The following RASEF variants were observed in gnomAD, a reference collection of about 807,000 sequenced individuals.
The protein encoded by RASEF is RAS and EF-hand domain containing.
A neutral mutation model predicts 90.1 loss-of-function variants in RASEF; 68 were observed. That is an observed-to-expected ratio of 0.75 (90% CI 0.62 to 0.92). The LOEUF is 0.92. Among genes scored for constraint, RASEF ranks in the 40% least tolerant of loss-of-function variants. The pLI, the probability that RASEF is intolerant of heterozygous loss-of-function variation, is 0.00. For synonymous variants in RASEF, 331 were observed against 345.2 expected (o/e 0.96, Z 0.46); for missense variants, 949 against 937.2 (o/e 1.01, Z -0.16).
intron 1 of RASEF, among the ~76,000 whole-genome samples, chr9:83,059,848 C>T (rs1830175068): frequency 6.6e-6 from 1 of 152,136 alleles, no homozygotes; most frequent in Non-Finnish European, 1.5e-5. Flanking sequence ...CTTCCTCAGC[C>T]TTCAAAACAA....
chr9:83,148,813 T>C, the RASEF span, among the ~76,000 whole-genome samples: 1 of 152,210 alleles, frequency 6.6e-6, no homozygotes, highest in African/African-American at 2.4e-5. Context: ...TACTGTCTCA[T>C]GGGGAGCTGG....
chr9:83,137,847 A>G, the RASEF span, among the ~76,000 whole-genome samples: 1 of 151,818 alleles, frequency 6.6e-6, no homozygotes, highest in Non-Finnish European at 1.5e-5. Flanking sequence ...GGAGGGAGGT[A>G]AAAGGAAGGG....
At chr9:83,002,453 G>A (rs1231483009) in intron 9 of RASEF, among the ~76,000 whole-genome samples, 5 of 151,434 alleles carry the variant, frequency 3.3e-5, no homozygotes, top group Non-Finnish European at 7.4e-5. Context: ...ATGTGTGCGT[G>A]TGTGTGTTAA....
chr9:83,034,448 G>A (rs1829703349), intron 1 of RASEF, among the ~76,000 whole-genome samples: 1 of 152,156 alleles, frequency 6.6e-6, no homozygotes, highest in African/African-American at 2.4e-5. Context: ...GTGTCATCTT[G>A]AGAAATATTA....
At chr9:83,212,611 G>A in the RASEF span, among the ~76,000 whole-genome samples, 53 of 152,242 alleles carry the variant, frequency 3.5e-4, no homozygotes, top group African/African-American at 1.1e-3. Context: ...GGACCTCTGC[G>A]CTTCACTGTG....
chr9:83,135,037 G>A, the RASEF span, among the ~76,000 whole-genome samples: 2 of 152,220 alleles, frequency 1.3e-5, no homozygotes, highest in East Asian at 3.9e-4. Context: ...TCCTGATTAA[G>A]GAAATTCATA....
chr9:83,008,891 CATATATATATATATATATATATAT>C (rs56810511), intron 6 of RASEF, among the ~76,000 whole-genome samples: 1 of 19,564 alleles, frequency 5.1e-5, no homozygotes, highest in African/African-American at 1.6e-4. Context: ...AAGTTCTCAT[CATATATATATATATATATATATAT>C]ATATATATAT....
At chr9:83,145,732 T>C in the RASEF span, among the ~76,000 whole-genome samples, 26 of 151,410 alleles carry the variant, frequency 1.7e-4, no homozygotes, top group South Asian at 1.0e-3. Context: ...GAGGGGAAAA[T>C]GGGTAAAAAA....
the RASEF span, among the ~76,000 whole-genome samples, chr9:83,142,209 A>G: frequency 2.0e-5 from 3 of 152,228 alleles, no homozygotes; most frequent in African/African-American, 7.2e-5. Context: ...CAAAGAAAAA[A>G]CAATCACACT....
chr9:83,131,811 G>C, the RASEF span, among the ~76,000 whole-genome samples: 1 of 152,106 alleles, frequency 6.6e-6, no homozygotes, highest in Non-Finnish European at 1.5e-5. Context: ...AATATAGTCA[G>C]CCCAAATCAT....
chr9:83,025,459 G>T (rs538280539), intron 2 of RASEF, among the ~76,000 whole-genome samples: 2 of 152,322 alleles, frequency 1.3e-5, no homozygotes, highest in East Asian at 3.9e-4. Context: ...TTCAAATAGT[G>T]TTCCATCTAC....
At chr9:83,164,613 G>GA in the RASEF span, among the ~76,000 whole-genome samples, 26 of 135,190 alleles carry the variant, frequency 1.9e-4, 1 homozygote, top group Middle Eastern at 0.012. Flanking sequence ...AACCACCAAG[G>GA]AAAAAAAAAA....
chr9:83,139,527 G>A, the RASEF span, among the ~76,000 whole-genome samples: 2 of 152,086 alleles, frequency 1.3e-5, no homozygotes, highest in African/African-American at 4.8e-5. Context: ...TCATAAGGAA[G>A]AGAAAATATA....
At chr9:83,145,468 G>A in the RASEF span, among the ~76,000 whole-genome samples, 9 of 151,928 alleles carry the variant, frequency 5.9e-5, no homozygotes, top group South Asian at 2.1e-4. Context: ...CCCTGAGTTC[G>A]TTTAGGGCCC....
chr9:83,068,750 G>T, the RASEF span, among the ~76,000 whole-genome samples: 1 of 152,146 alleles, frequency 6.6e-6, no homozygotes, highest in African/African-American at 2.4e-5. Flanking sequence ...TAAGTTTGTG[G>T]TCATTTGCTT....
chr9:83,198,284 A>T, the RASEF span, among the ~76,000 whole-genome samples: 2 of 152,172 alleles, frequency 1.3e-5, no homozygotes, highest in African/African-American at 2.4e-5. Flanking sequence ...GAAACAGACA[A>T]CCTACCATAC....
the RASEF span, among the ~76,000 whole-genome samples, chr9:83,132,777 A>C: frequency 6.6e-6 from 1 of 152,226 alleles, no homozygotes; most frequent in African/African-American, 2.4e-5. Context: ...GCTGGGCTAA[A>C]TTAATGCTCT....
At chr9:83,185,043 T>A in the RASEF span, among the ~76,000 whole-genome samples, 1 of 152,112 alleles carries the variant, frequency 6.6e-6, no homozygotes, top group Non-Finnish European at 1.5e-5. Context: ...AAAACAAGCC[T>A]CTCAGGTGAT....
the RASEF span, among the ~76,000 whole-genome samples, chr9:83,171,052 T>G: frequency 6.6e-6 from 1 of 151,948 alleles, no homozygotes; most frequent in East Asian, 1.9e-4. Flanking sequence ...TGGTGCTAGA[T>G]GTGAGTTTGT....
Sources: gnomAD v4.1 joint callset for allele counts (sites outside exome capture counted in the v4.1 genomes callset) on GRCh38, gnomAD v4.1.1 for gene constraint, MANE v1.5 for transcripts, NCBI Gene and HGNC (gene_info 2026-07-23, HGNC 2026-07-21) for gene names.